The following TMTC4 variants were observed in gnomAD, a reference collection of about 807,000 sequenced individuals.
The protein encoded by TMTC4 is protein O-mannosyl-transferase TMTC4.
A neutral mutation model predicts 86.0 loss-of-function variants in TMTC4; 65 were observed. That is an observed-to-expected ratio of 0.76 (90% CI 0.62 to 0.93). The LOEUF is 0.93. Ranked by LOEUF, TMTC4 falls within the 40% of genes least tolerant of loss-of-function variation. TMTC4 has a pLI of 0.00. For missense variants in TMTC4, 866 were observed against 948.1 expected (o/e 0.91, Z 1.14); for synonymous variants, 379 against 382.5 (o/e 0.99, Z 0.11).
intron 5 of TMTC4, among the ~76,000 whole-genome samples, chr13:100,660,323 T>A: frequency 8.2e-6 from 1 of 122,216 alleles, no homozygotes. Context: ...AGAGTGAGAC[T>A]GTGTATCAAA....
At chr13:100,656,542 C>CATTT in intron 5 of TMTC4, 74 bp from the exon 6 acceptor site, 2 of 384,138 alleles carry the variant, frequency 5.2e-6, no homozygotes, top group Non-Finnish European at 8.4e-6. Flanking sequence ...GGAGACATAA[C>CATTT]TTTTTTTTTT....
At chr13:100,666,887 G>A (rs1886459858) in intron 3 of TMTC4, among the ~76,000 whole-genome samples, 1 of 152,198 alleles carries the variant, frequency 6.6e-6, no homozygotes, top group Non-Finnish European at 1.5e-5. Context: ...CTACTCGGGA[G>A]GCTAAGATGG....
rs143585244 is a variant in TMTC4, at chr13:100,664,204, T to G, written c.335+17A>C. ...GCTGGGAGGGACCTTCCCAGGCCCT[T>G]CAATGTCACAGCTTACCTGAAAGTC... On this transcript the variant is annotated intron_variant, in intron 4 of 18. Transcript: ENST00000342624. 3.1e-4 allele frequency: 496 copies of G among 1,595,028 alleles called. 1 individual carries two copies. In the African/African-American group the frequency reaches 5.7e-3, roughly 18 times the overall value.
chr13:100,614,000 C>T (rs1334369297), intron 16 of TMTC4, among the ~76,000 whole-genome samples: 8 of 151,786 alleles, frequency 5.3e-5, no homozygotes, highest in African/African-American at 1.9e-4. Flanking sequence ...CCACCACACC[C>T]GGCTAATTTT....
chr13:100,644,442 G>A (rs1433154524), intron 6 of TMTC4, among the ~76,000 whole-genome samples: 2 of 152,086 alleles, frequency 1.3e-5, no homozygotes, highest in Admixed American at 6.5e-5. Flanking sequence ...CAATGGGGTT[G>A]AGACCCTGTC....
intron 6 of TMTC4, among the ~76,000 whole-genome samples, chr13:100,650,217 T>C (rs1397644431): frequency 6.6e-6 from 1 of 152,248 alleles, no homozygotes; most frequent in African/African-American, 2.4e-5. Flanking sequence ...GAGACATGCC[T>C]AGGCAATGTT....
At chr13:100,669,257 A>G (rs1886774837) in intron 2 of TMTC4, among the ~76,000 whole-genome samples, 2 of 152,090 alleles carry the variant, frequency 1.3e-5, no homozygotes, top group Non-Finnish European at 2.9e-5. Context: ...TGCTTCTGAA[A>G]GAGCTTATGG....
intron 6 of TMTC4, among the ~76,000 whole-genome samples, chr13:100,649,173 T>C (rs1594335232): frequency 6.6e-6 from 1 of 152,186 alleles, no homozygotes; most frequent in Admixed American, 6.5e-5. Context: ...CCATACAGCG[T>C]TGACAAAATG....
chr13:100,667,137 T>A (rs779124672), intron 3 of TMTC4, among the ~76,000 whole-genome samples: 9 of 152,108 alleles, frequency 5.9e-5, no homozygotes, highest in Non-Finnish European at 1.0e-4. Flanking sequence ...AGAACTTGAA[T>A]TAAAAATAAA....
intron 12 of TMTC4, among the ~76,000 whole-genome samples, chr13:100,626,878 G>T (rs2138816127): frequency 6.6e-6 from 1 of 152,298 alleles, no homozygotes; most frequent in South Asian, 2.1e-4. Flanking sequence ...GACTCCTAAT[G>T]TGATGGTATT....
intron 12 of TMTC4, among the ~76,000 whole-genome samples, chr13:100,630,831 C>A (rs900767396): frequency 6.6e-6 from 1 of 152,082 alleles, no homozygotes; most frequent in East Asian, 1.9e-4. Context: ...ATGCCAGAGA[C>A]CAGAAGATCA....
Position 100,664,312 on chromosome 13 carries a change from C to T in TMTC4, c.244G>A (p.Gly82Arg). Reference sequence around the variant, plus strand: ...CAGAAGTCATGATGCCACAGGTCCCCCAGGGGCGTTTCTGCTTGGAGGTCC... The same window carrying T: ...CAGAAGTCATGATGCCACAGGTCCCTCAGGGGCGTTTCTGCTTGGAGGTCC... ...NKDLQAETPL[G>R]DLWHHDFWGS... Residue 82 changes from glycine to arginine, a missense_variant, in exon 4 of 19, where the codon GGG becomes AGG. By Grantham distance (125) the Gly-to-Arg change is moderately radical. Transcript: ENST00000342624. 1 of 1,610,530 alleles carries T rather than the reference C, an allele frequency of 6.2e-7. No individual in the cohort carries two copies. Among genetic ancestry groups the T allele is most frequent in the Non-Finnish European group, 8.5e-7 (1 of 1,178,288 alleles).
At position 100,636,586 on chromosome 13, in the gene TMTC4, C is replaced by G. The variant is rs781040770; in HGVS notation, c.1148G>C (p.Cys383Ser). ...RVIALAALWF[C>S]LIGLICQALC... ...GGCTTGGCATATCAGGCCAATTAGGCAGAACCAGAGTGCTGCAAGTGCAAT... is the reference window on the plus strand; with the variant it reads ...GGCTTGGCATATCAGGCCAATTAGGGAGAACCAGAGTGCTGCAAGTGCAAT... Residue 383 changes from cysteine (C) to serine (S), a missense_variant, in exon 10 of 19, where the codon TGC becomes TCC. Physicochemically the swap from Cys to Ser is moderately radical, Grantham distance 112. Transcript: ENST00000342624. The G allele has an allele frequency of 6.2e-7, 1 of 1,614,190 alleles. No individual in the cohort carries two copies. Among genetic ancestry groups the G allele is most frequent in the East Asian group, 2.2e-5 (1 of 44,880 alleles).
In TMTC4 at chr13:100,603,922, T is replaced by C. The variant is rs1876194296; in HGVS notation, c.*1072A>G. 1 of 152,656 alleles carries C rather than the reference T, an allele frequency of 6.6e-6. No individual in the cohort carries two copies. The highest frequency in any genetic ancestry group is 2.1e-4 in the South Asian group (1 of 4,830). The allele number at this position is 152,656 out of a possible 1,614,324, so 9.5% of individuals were successfully genotyped here. A position where few individuals can be genotyped will look rare whatever the true frequency, so the allele number is the denominator to read the frequency against. ...AAAATAATTGATTAAGAAGGCAATA[T>C]GACATTTTCATGCTAGTTTGTGTAG... On this transcript the variant is annotated 3_prime_UTR_variant, in exon 19 of 19. Transcript: ENST00000342624.
intron 9 of TMTC4, among the ~76,000 whole-genome samples, chr13:100,637,285 T>G (rs1882370468): frequency 6.6e-6 from 1 of 152,048 alleles, no homozygotes; most frequent in African/African-American, 2.4e-5. Flanking sequence ...GACCCTGATG[T>G]GAGAAGGAAC....
intron 12 of TMTC4, among the ~76,000 whole-genome samples, chr13:100,632,470 G>A (rs1207406491): frequency 1.3e-5 from 2 of 152,150 alleles, no homozygotes; most frequent in Non-Finnish European, 2.9e-5. Context: ...CAATTACTGC[G>A]ATTCAAACAG....
upstream of TMTC4, chr13:100,675,030 G>T: frequency 1.0e-6 from 1 of 985,676 alleles, no homozygotes; most frequent in Non-Finnish European, 1.2e-6. Flanking sequence ...GCCAGGGGGC[G>T]CTAGTCGGCG....
chr13:100,674,513 G>A (rs1462233674), intron 1 of TMTC4: 51 of 973,546 alleles, frequency 5.2e-5, no homozygotes, highest in Non-Finnish European at 6.1e-5. Context: ...CAGCCTCCAC[G>A]CCGCGCCCTT....
chr13:100,612,527 G>C lies in TMTC4; in HGVS notation c.1952-17C>G. On this transcript the variant is annotated splice_polypyrimidine_tract_variant and intron_variant, in intron 16 of 18. Transcript: ENST00000342624. Reference sequence around the variant, plus strand: ...CTAAATTACCTGGGAGTGAAAAATGGAAAAATAAAAGACATGTTAATGTTG... The same window carrying C: ...CTAAATTACCTGGGAGTGAAAAATGCAAAAATAAAAGACATGTTAATGTTG... 6.3e-7 allele frequency: 1 copy of C among 1,588,412 alleles called. No individual in the cohort carries two copies. The highest frequency in any genetic ancestry group is 1.1e-5 in the South Asian group (1 of 89,070).
Sources: gnomAD v4.1 joint callset for allele counts (sites outside exome capture counted in the v4.1 genomes callset) on GRCh38, gnomAD v4.1.1 for gene constraint, MANE v1.5 for transcripts, NCBI Gene and HGNC (gene_info 2026-07-23, HGNC 2026-07-21) for gene names.